The following INPP5D variants were observed in gnomAD, a reference collection of about 807,000 sequenced individuals.
The protein encoded by INPP5D is inositol polyphosphate-5-phosphatase D.
A neutral mutation model predicts 122.9 loss-of-function variants in INPP5D; 33 were observed. The observed-to-expected ratio is 0.27, with a 90% confidence interval of 0.20 to 0.36. The LOEUF is 0.36. INPP5D is among the 10% of genes least tolerant of loss of function. The pLI is 1.00. For synonymous variants in INPP5D, 584 were observed against 576.2 expected (o/e 1.01, Z -0.19); for missense variants, 1,053 against 1,412.7 (o/e 0.75, Z 4.08).
chr2:233,125,934 A>G lies in INPP5D; in HGVS notation c.524+15A>G. 6.2e-7 allele frequency: 1 copy of G among 1,609,854 alleles called. No homozygotes were observed. The highest frequency in any genetic ancestry group is 1.1e-5 in the South Asian group (1 of 90,670). On this transcript the variant is annotated intron_variant, in intron 4 of 26. Transcript: ENST00000445964. The stretch of plus-strand genomic sequence containing the variant: ...GACACCAGTGGGTGAGTCCCCACTC[A>G]AGTCCAGCTGGGCCTTCATCTGCAG...
intron 5 of INPP5D, chr2:233,134,025 A>G: frequency 2.2e-6 from 1 of 456,022 alleles, no homozygotes; most frequent in Non-Finnish European, 4.4e-6. Flanking sequence ...GTGCATGGCA[A>G]AGGTGTCAGA....
chr2:233,090,819 T>G (rs772163163), intron 2 of INPP5D, among the ~76,000 whole-genome samples: 4 of 151,938 alleles, frequency 2.6e-5, no homozygotes, highest in Non-Finnish European at 5.9e-5. Flanking sequence ...TAGCCGGGTG[T>G]GATGGTGCAC....
chr2:233,065,419 T>G (rs2106195156), intron 1 of INPP5D, among the ~76,000 whole-genome samples: 1 of 148,342 alleles, frequency 6.7e-6, no homozygotes, highest in Middle Eastern at 3.5e-3. Context: ...GCAATTCTCC[T>G]ACTTCAGCCC....
chr2:233,077,963 C>T (rs1405501840), intron 1 of INPP5D, among the ~76,000 whole-genome samples: 1 of 152,100 alleles, frequency 6.6e-6, no homozygotes, highest in Non-Finnish European at 1.5e-5. Flanking sequence ...GGAGCTTCTA[C>T]ACTGAGGCAC....
intron 23 of INPP5D, among the ~76,000 whole-genome samples, chr2:233,194,203 C>T (rs1340962382): frequency 3.3e-5 from 5 of 152,084 alleles, no homozygotes; most frequent in East Asian, 1.9e-4. Flanking sequence ...TTTAGGGCCC[C>T]GAACCTCACC....
Position 233,189,937 on chromosome 2 carries a change from G to T in INPP5D, c.2446G>T (p.Gly816Cys), listed in dbSNP as rs770129947. 6.2e-7 allele frequency: 1 copy of T among 1,613,232 alleles called. No individual in the cohort carries two copies. The highest frequency in any genetic ancestry group is 8.5e-7 in the Non-Finnish European group (1 of 1,179,536). Residue 816 changes from glycine to cysteine, a missense_variant and splice_region_variant, in exon 22 of 27, where the codon GGC (glycine) becomes TGC (cysteine). This residue lies in a region of INPP5D where 258 missense variants were observed against 439.1 expected (regional missense o/e 0.59). Transcript: ENST00000445964. This position sits in a 1 kb window ranked among gnomAD's most constrained non-coding sequence, Gnocchi z 5.6. Reference sequence around the variant, plus strand: ...GTCCTCTGACAGCGACGAATCCTATGGTAAGGGTCTGTGGGCAGGTGCCAC... The same window carrying T: ...GTCCTCTGACAGCGACGAATCCTATTGTAAGGGTCTGTGGGCAGGTGCCAC... ...IKSSDSDESY[G>C]EGCIALRLEA...
intron 2 of INPP5D, among the ~76,000 whole-genome samples, chr2:233,084,607 C>T (rs1020132558): frequency 1.3e-5 from 2 of 152,178 alleles, no homozygotes; most frequent in African/African-American, 2.4e-5. Flanking sequence ...CACAAGCATC[C>T]GGGAGGTGAA....
chr2:233,065,919 A>G (rs1691211025), intron 1 of INPP5D, among the ~76,000 whole-genome samples: 1 of 151,436 alleles, frequency 6.6e-6, no homozygotes, highest in Non-Finnish European at 1.5e-5. Context: ...TGCTGGGATT[A>G]CAGGTGTGAG....
At chr2:233,096,273 G>C (rs1692137553) in intron 2 of INPP5D, among the ~76,000 whole-genome samples, 1 of 152,136 alleles carries the variant, frequency 6.6e-6, no homozygotes, top group Admixed American at 6.5e-5. Context: ...CTCAATTCTG[G>C]ACATTACCAG....
intron 9 of INPP5D, among the ~76,000 whole-genome samples, chr2:233,149,401 ATCTTTTGTTCTTAATAAAG>A (rs1037862650): frequency 1.3e-5 from 2 of 152,114 alleles, no homozygotes. Context: ...GTGCTCAGCC[ATCTTTTGTTCTTAATAAAG>A]TCGTATGCAC....
At chr2:233,136,502 C>T (rs911182024) in intron 5 of INPP5D, among the ~76,000 whole-genome samples, 2 of 149,874 alleles carry the variant, frequency 1.3e-5, no homozygotes, top group African/African-American at 4.9e-5. Flanking sequence ...AATAGAATAA[C>T]AAGTCAAATG....
At chr2:233,120,217 C>T (rs1692929701) in intron 2 of INPP5D, among the ~76,000 whole-genome samples, 1 of 152,214 alleles carries the variant, frequency 6.6e-6, no homozygotes, top group Non-Finnish European at 1.5e-5. Context: ...GGTGTGGTGG[C>T]TTACACCTGT....
rs1695002912 is a variant in INPP5D at position 233,189,708 on chromosome 2, C to CTCTCTTGGGTA, written c.2359-141_2359-140insCTCTTGGGTAT. On this transcript the variant is annotated intron_variant, in intron 21 of 26. Transcript: ENST00000445964. The surrounding 1 kb of genome is among the most constrained non-coding windows in gnomAD (Gnocchi z 5.6). ...GGTGTATGTGAAAGCTATACCCCAC[C>CTCTCTTGGGTA]TGCTCTCTTGGGTATGGACAGCAGA... The CTCTCTTGGGTA allele has an allele frequency of 8.0e-7, 1 of 1,249,760 alleles. No homozygotes were observed. 77.4% of individuals were successfully genotyped at this position (1,249,760 alleles called of 1,614,324 possible). A position where few individuals can be genotyped will look rare whatever the true frequency, so the allele number is the denominator to read the frequency against.
intron 22 of INPP5D, among the ~76,000 whole-genome samples, chr2:233,190,804 G>C (rs1330555800): frequency 6.6e-6 from 1 of 152,222 alleles, no homozygotes; most frequent in Non-Finnish European, 1.5e-5. Flanking sequence ...GCCAGGCCAA[G>C]CCTCTCCTTA....
intron 22 of INPP5D, among the ~76,000 whole-genome samples, chr2:233,193,516 T>C (rs778075816): frequency 2.6e-5 from 4 of 152,222 alleles, no homozygotes; most frequent in Admixed American, 1.3e-4. Context: ...TGTCATGTCT[T>C]ATGCTGCATC....
At chr2:233,137,311 G>A (rs1193222468) in intron 5 of INPP5D, among the ~76,000 whole-genome samples, 1 of 151,534 alleles carries the variant, frequency 6.6e-6, no homozygotes, top group East Asian at 1.9e-4. Context: ...CATTTACATA[G>A]ATAACATTTT....
At chr2:233,066,338 G>A (rs1236976052) in intron 1 of INPP5D, among the ~76,000 whole-genome samples, 1 of 152,208 alleles carries the variant, frequency 6.6e-6, no homozygotes, top group Non-Finnish European at 1.5e-5. Flanking sequence ...CTCACAGCCA[G>A]GCATTTCTCC....
chr2:233,063,444 C>T (rs1265192735), intron 1 of INPP5D, among the ~76,000 whole-genome samples: 1 of 152,236 alleles, frequency 6.6e-6, no homozygotes, highest in Non-Finnish European at 1.5e-5. Context: ...GAACTGAGAG[C>T]AGCCTCACCA....
intron 2 of INPP5D, among the ~76,000 whole-genome samples, chr2:233,104,714 A>G (rs1692416586): frequency 6.6e-6 from 1 of 152,178 alleles, no homozygotes; most frequent in Admixed American, 6.5e-5. Context: ...TGAGGACTTG[A>G]CGGTGAATCG....
Sources: allele counts gnomAD v4.1 joint callset (sites outside exome capture counted in the v4.1 genomes callset), GRCh38; gene constraint gnomAD v4.1.1; regional missense constraint gnomAD v4.1.1; non-coding constraint Gnocchi (gnomAD v3.1); transcripts MANE v1.5; gene names NCBI Gene and HGNC (gene_info 2026-07-23, HGNC 2026-07-21).